The following GNAS variants were observed in gnomAD, a reference collection of about 807,000 sequenced individuals.
The protein encoded by GNAS is GNAS complex locus, also known as protein ALEX.
In GNAS, 8 loss-of-function variants were observed where a neutral mutation model predicts 54.5. The observed-to-expected ratio is 0.15, with a 90% CI of 0.09 to 0.26. The LOEUF is 0.26. Ranked by LOEUF, GNAS falls within the 10% of genes least tolerant of loss-of-function variation. GNAS has a pLI of 1.00. For missense variants in GNAS, 170 were observed against 529.8 expected, an observed-to-expected ratio of 0.32 and a Z score of 6.67; for synonymous variants, 204 against 191.4, an observed-to-expected ratio of 1.07 and a Z score of -0.54.
At position 58,908,842 on chromosome 20, in the gene GNAS, C is replaced by T. The variant is rs891616738; in HGVS notation, c.531-320C>T. On this transcript the variant is annotated intron_variant, in intron 6 of 12. Transcript: ENST00000371085. ...AAAATAGAAAAAATAAAAATAAACA[C>T]GAAGAACAAAGCCCCACCACCGTGC... 11 of 385,394 alleles carry T rather than the reference C, an allele frequency of 2.9e-5. 1 individual carries two copies. The highest frequency in any genetic ancestry group is 7.2e-4 in the Middle Eastern group (1 of 1,398). The allele number at this position is 385,394 out of a possible 1,614,324, so 23.9% of individuals were successfully genotyped here. A position where few individuals can be genotyped will look rare whatever the true frequency, so the allele number is the denominator to read the frequency against.
chr20:58,853,301 G>A lies in GNAS; in HGVS notation c.43+12415G>A. ...GCAACTGCCTCTACGGCAATAATATGTCAGGACAACGCGATATCCCCCCTG... is the reference window on the plus strand; with the variant it reads ...GCAACTGCCTCTACGGCAATAATATATCAGGACAACGCGATATCCCCCCTG... On this transcript the variant is annotated intron_variant, in intron 1 of 12. Coordinates refer to the GNAS transcript ENST00000306090. The surrounding 1 kb of genome is among the most constrained non-coding windows in gnomAD (Gnocchi z 4.4). 6.5e-7 allele frequency: 1 copy of A among 1,550,290 alleles called. No individual in the cohort carries two copies. The highest frequency in any genetic ancestry group is 8.7e-7 in the Non-Finnish European group (1 of 1,146,752).
rs756367665 is a variant in GNAS at position 58,854,010 on chromosome 20, G to C, written c.43+13124G>C. 1.1e-5 allele frequency: 17 copies of C among 1,611,658 alleles called. No individual in the cohort carries two copies. The Admixed American group carries it at 1.7e-4, about 16-fold the overall frequency. On this transcript the variant is annotated intron_variant, in intron 1 of 12. Transcript: ENST00000306090. The stretch of plus-strand genomic sequence containing the variant: ...GGGGCTTTCCCGAGTTATCGCACAA[G>C]TCGACGGCAGCAGCCAGTTCGCGGC...
At chr20:58,894,396 G>A (rs1413079787) in intron 1 of GNAS, among the ~76,000 whole-genome samples, 2 of 152,190 alleles carry the variant, frequency 1.3e-5, no homozygotes, top group Non-Finnish European at 2.9e-5. Flanking sequence ...CAATGTTTCT[G>A]TGGAAACTAA....
At chr20:58,882,358 G>T (rs1028387922) in intron 1 of GNAS, among the ~76,000 whole-genome samples, 7 of 152,148 alleles carry the variant, frequency 4.6e-5, no homozygotes, top group Non-Finnish European at 8.8e-5. Context: ...TCATTTTTTT[G>T]TTTTTATTAT....
chr20:58,847,920 T>A (rs571068720), intron 1 of GNAS, among the ~76,000 whole-genome samples: 52 of 152,326 alleles, frequency 3.4e-4, no homozygotes, highest in African/African-American at 1.1e-3. Flanking sequence ...ACATATGCCA[T>A]GAAAGCATCA....
chr20:58,845,218 A>G (rs117615061), intron 1 of GNAS, among the ~76,000 whole-genome samples: 3,230 of 152,288 alleles, frequency 0.021, 130 homozygotes, highest in Admixed American at 0.11. Flanking sequence ...GTGCTGTTGA[A>G]AGTTTTTTGG....
intron 1 of GNAS, among the ~76,000 whole-genome samples, chr20:58,883,987 G>T (rs763941716): frequency 1.6e-4 from 25 of 152,244 alleles, no homozygotes; most frequent in Non-Finnish European, 2.6e-4. Flanking sequence ...ATTTCTAGAT[G>T]AATTAAATGT....
chr20:58,888,700 A>G (rs1176368904), upstream of GNAS: 1 of 151,942 alleles, frequency 6.6e-6, no homozygotes, highest in Non-Finnish European at 1.5e-5. Context: ...CTCCCATCGC[A>G]CTTTTCTCGT....
chr20:58,853,543 G>T lies in GNAS; in HGVS notation c.43+12657G>T, dbSNP rs1306151632. 1 of 1,613,286 alleles carries T rather than the reference G, an allele frequency of 6.2e-7. No individual in the cohort carries two copies. Among genetic ancestry groups the T allele is most frequent in the Non-Finnish European group, 8.5e-7 (1 of 1,179,876 alleles). On this transcript the variant is annotated intron_variant, in intron 1 of 12. Transcript: ENST00000306090. This position sits in a 1 kb window ranked among gnomAD's most constrained non-coding sequence, Gnocchi z 4.4. ...TTCAGGGAAGCTGGAGCCCATGGAA[G>T]CTACAGCCCACCTCCTGAGGAAGCA...
intron 1 of GNAS, among the ~76,000 whole-genome samples, chr20:58,871,829 T>A (rs2087489272): frequency 6.6e-6 from 1 of 151,770 alleles, no homozygotes; most frequent in South Asian, 2.1e-4. Context: ...CCAAATGGGG[T>A]CCTTGCCCTC....
intron 1 of GNAS, among the ~76,000 whole-genome samples, chr20:58,879,493 A>G (rs1799097727): frequency 6.6e-6 from 1 of 152,222 alleles, no homozygotes; most frequent in African/African-American, 2.4e-5. Context: ...ATTTGGTCAA[A>G]AGTTCAATCG....
At chr20:58,859,812 G>T (rs2086689202) in intron 1 of GNAS, among the ~76,000 whole-genome samples, 1 of 151,962 alleles carries the variant, frequency 6.6e-6, no homozygotes, top group Admixed American at 6.6e-5. Flanking sequence ...TGTTAGTAGA[G>T]ATGGGGTTTC....
chr20:58,869,874 T>C (rs554359592), intron 1 of GNAS, among the ~76,000 whole-genome samples: 1 of 152,342 alleles, frequency 6.6e-6, no homozygotes, highest in Admixed American at 6.5e-5. Context: ...CACTTCTGGC[T>C]TCTTTAGGCC....
chr20:58,855,962 ACT>A (rs142423917), intron 1 of GNAS: 3,578 of 321,666 alleles, frequency 0.011, 122 homozygotes, highest in African/African-American at 0.069. Flanking sequence ...CTGTTCGCAC[ACT>A]CTGGTGGTAC....
chr20:58,883,374 G>C (rs2088376584), intron 1 of GNAS, among the ~76,000 whole-genome samples: 1 of 152,184 alleles, frequency 6.6e-6, no homozygotes, highest in Admixed American at 6.5e-5. Flanking sequence ...CCGAAAAACA[G>C]GAATGTTCAA....
chr20:58,875,840 A>C (rs1271785306), intron 1 of GNAS, among the ~76,000 whole-genome samples: 1 of 152,240 alleles, frequency 6.6e-6, no homozygotes, highest in Admixed American at 6.5e-5. Context: ...AAGAGGCTTG[A>C]GTACTATACG....
chr20:58,887,385 T>A (rs1470283248), upstream of GNAS, among the ~76,000 whole-genome samples: 1 of 152,214 alleles, frequency 6.6e-6, no homozygotes, highest in East Asian at 1.9e-4. Context: ...CAGGAATTTT[T>A]AATTTACCAT....
chr20:58,900,151 T>C (rs2090476198), intron 3 of GNAS: 3 of 585,508 alleles, frequency 5.1e-6, no homozygotes, highest in Non-Finnish European at 9.1e-6. Context: ...AAATCCTTAA[T>C]TGGCAGAAAT....
chr20:58,885,206 C>T (rs898776781), intron 1 of GNAS, among the ~76,000 whole-genome samples: 7 of 152,140 alleles, frequency 4.6e-5, no homozygotes, highest in African/African-American at 1.7e-4. Context: ...GGGAATTGGG[C>T]GTCTGTCCAC....
Sources: gnomAD v4.1 joint callset for allele counts (sites outside exome capture counted in the v4.1 genomes callset) on GRCh38, gnomAD v4.1.1 for gene constraint, Gnocchi (gnomAD v3.1) non-coding constraint, MANE v1.5 for transcripts, NCBI Gene and HGNC (gene_info 2026-07-23, HGNC 2026-07-21) for gene names.